Variants in ERI1 observed in about 807,000 individuals in gnomAD.
The protein encoded by ERI1 is exoribonuclease 1, also known as 3'-5' exoribonuclease 1.
In ERI1, 39 loss-of-function variants were observed where a neutral mutation model predicts 39.7. That is an observed-to-expected ratio of 0.98 (90% CI 0.76 to 1.28). ERI1 has a LOEUF of 1.28. Among genes scored for constraint, ERI1 ranks in the 50% most tolerant of loss-of-function variants. The pLI is 0.00. For missense variants in ERI1, 581 were observed against 416.9 expected (o/e 1.39, Z -3.43); for synonymous variants, 204 against 149.6 (o/e 1.36, Z -2.65).
At chr8:9,025,724 G>GTT (rs1475082337) in intron 6 of ERI1, among the ~76,000 whole-genome samples, 2 of 151,718 alleles carry the variant, frequency 1.3e-5, no homozygotes. Flanking sequence ...GTGTGTGTGT[G>GTT]TGGTTAAAAT....
At chr8:9,007,312 C>G (rs1816122015) in intron 1 of ERI1, among the ~76,000 whole-genome samples, 1 of 152,048 alleles carries the variant, frequency 6.6e-6, no homozygotes, top group African/African-American at 2.4e-5. Flanking sequence ...ATTTGCGGTC[C>G]ATTTTGTTTT....
rs116427675 is a variant in ERI1 at position 9,067,057 on chromosome 8, A to G, written n.299+46593A>G. The stretch of plus-strand genomic sequence containing the variant: ...TTTACACTTCTAAGCCTCAGGAAAA[A>G]AGAAATCATTCTCATTGCCCTACCT... On this transcript the variant is annotated intron_variant and non_coding_transcript_variant, in intron 3 of 3. Coordinates refer to the ERI1 transcript ENST00000518663. Among the ~76,000 whole-genome samples, 505 of 152,318 alleles carry G rather than the reference A, an allele frequency of 3.3e-3. 1 individual carries two copies. The highest frequency in any genetic ancestry group is 0.011 in the African/African-American group (477 of 41,558).
At chr8:9,050,507 CAAAA>C (rs35279058) in intron 3 of ERI1, among the ~76,000 whole-genome samples, 86 of 141,720 alleles carry the variant, frequency 6.1e-4, no homozygotes, top group African/African-American at 1.8e-3. Context: ...AACTCCATCT[CAAAA>C]AAAAAAAAAA....
intron 3 of ERI1, among the ~76,000 whole-genome samples, chr8:9,098,494 G>C (rs1487274735): frequency 6.6e-6 from 1 of 152,116 alleles, no homozygotes; most frequent in Admixed American, 6.6e-5. Flanking sequence ...CTCCAGCCTG[G>C]GTGACAGAAT....
In ERI1 at chr8:9,025,260, C is replaced by G. The variant is rs558742912; in HGVS notation, c.808-4532C>G. ...TGAGACTTTCCAATAGCTTTCCTCA[C>G]TTGATATCAAGCCCAAGCAAAAGGT... On this transcript the variant is annotated intron_variant, in intron 6 of 6. Coordinates refer to ENST00000250263, the MANE Select transcript of ERI1 (RefSeq NM_153332.4). Among the ~76,000 whole-genome samples the G allele has an allele frequency of 3.3e-5, 5 of 152,322 alleles. No individual in the cohort carries two copies. In the East Asian group the frequency reaches 9.7e-4, roughly 29 times the overall value.
At chr8:9,004,119 G>T in intron 1 of ERI1, 3 of 1,289,304 alleles carry the variant, frequency 2.3e-6, no homozygotes, top group Non-Finnish European at 3.0e-6. Flanking sequence ...AGAAGGTCTC[G>T]TTAAGGATCT....
intron 3 of ERI1, among the ~76,000 whole-genome samples, chr8:9,053,726 C>T (rs1417437435): frequency 6.6e-6 from 1 of 152,176 alleles, no homozygotes; most frequent in Non-Finnish European, 1.5e-5. Context: ...TGTGATATGA[C>T]AGTAACTCCT....
intron 3 of ERI1, among the ~76,000 whole-genome samples, chr8:9,061,477 A>T (rs1446618307): frequency 1.3e-5 from 2 of 152,194 alleles, no homozygotes; most frequent in Non-Finnish European, 2.9e-5. Context: ...AGTTGACCAT[A>T]GTTTGTGATT....
Position 9,065,203 on chromosome 8 carries a change from T to C in ERI1, n.299+44739T>C, listed in dbSNP as rs150625566. On this transcript the variant is annotated intron_variant and non_coding_transcript_variant, in intron 3 of 3. Coordinates refer to the ERI1 transcript ENST00000518663. ...GGGCTCAGAGGCCTGACACCAACTA[T>C]CTATAGTACAGCTAAGTGCATGTAC... 6.0e-3 allele frequency among the ~76,000 whole-genome samples: 913 copies of C among 152,316 alleles called. 5 individuals are homozygous for C. The highest frequency in any genetic ancestry group is 9.0e-3 in the Non-Finnish European group (615 of 68,026).
chr8:9,075,411 A>G (rs1269428013), intron 3 of ERI1, among the ~76,000 whole-genome samples: 4 of 152,118 alleles, frequency 2.6e-5, no homozygotes, highest in Non-Finnish European at 4.4e-5. Flanking sequence ...GTGTACAATA[A>G]TAAGAACACA....
intron 3 of ERI1, among the ~76,000 whole-genome samples, chr8:9,095,514 G>GTTTT (rs1169175439): frequency 9.9e-5 from 15 of 151,900 alleles, no homozygotes; most frequent in African/African-American, 3.4e-4. Context: ...TTGTTTGTTT[G>GTTTT]TTTGTTTTTG....
At position 9,044,449 on chromosome 8, in the gene ERI1, G is replaced by C. The variant is rs147811531; in HGVS notation, n.299+23985G>C. On this transcript the variant is annotated intron_variant and non_coding_transcript_variant, in intron 3 of 3. Coordinates refer to the ERI1 transcript ENST00000518663. ...ACACATCACTGCGTCAGTTCAGTAGGAGAGTTCACACTGGCCCCCATACAG... is the reference window on the plus strand; with the variant it reads ...ACACATCACTGCGTCAGTTCAGTAGCAGAGTTCACACTGGCCCCCATACAG... Among the ~76,000 whole-genome samples, 128 of 152,250 alleles carry C rather than the reference G, an allele frequency of 8.4e-4. 1 individual carries two copies. Among genetic ancestry groups the C allele is most frequent in the African/African-American group, 2.8e-3 (118 of 41,544 alleles).
chr8:9,016,727 C>G (rs1817331698), intron 4 of ERI1, among the ~76,000 whole-genome samples: 1 of 152,124 alleles, frequency 6.6e-6, no homozygotes, highest in Non-Finnish European at 1.5e-5. Context: ...ACTCTGTCAC[C>G]CAGGCTTGAG....
intron 6 of ERI1, among the ~76,000 whole-genome samples, chr8:9,029,411 C>G (rs1270008567): frequency 6.6e-6 from 1 of 152,140 alleles, no homozygotes; most frequent in Non-Finnish European, 1.5e-5. Flanking sequence ...TCGCTGCAGC[C>G]TCCACCTCCC....
chr8:9,093,519 A>AAG (rs1348214594), intron 3 of ERI1, among the ~76,000 whole-genome samples: 1 of 150,882 alleles, frequency 6.6e-6, no homozygotes, highest in African/African-American at 2.5e-5. Context: ...AAAAAAAAAA[A>AAG]AAAGAAGAAG....
intron 3 of ERI1, among the ~76,000 whole-genome samples, chr8:9,051,467 G>A (rs1186384721): frequency 1.3e-5 from 2 of 152,070 alleles, no homozygotes; most frequent in African/African-American, 4.8e-5. Context: ...GAACAGCCTG[G>A]CCAACATGGT....
intron 3 of ERI1, among the ~76,000 whole-genome samples, chr8:9,046,818 C>T (rs556158093): frequency 6.6e-6 from 1 of 152,206 alleles, no homozygotes; most frequent in African/African-American, 2.4e-5. Flanking sequence ...CTCTCACAAG[C>T]AGGGCCCACA....
In ERI1 at chr8:9,016,479, T is replaced by A. The variant is rs1817300653; in HGVS notation, c.582+74T>A. The A allele has an allele frequency of 7.0e-6, 6 of 857,820 alleles. No individual in the cohort carries two copies. The Admixed American group carries it at 7.7e-5, about 11-fold the overall frequency. The allele number at this position is 857,820 out of a possible 1,614,324, so 53.1% of individuals were successfully genotyped here. A position where few individuals can be genotyped will look rare whatever the true frequency, so the allele number is the denominator to read the frequency against. ...TTAGGGATTTATTTTATACATAATT[T>A]AAAAAAATTATTACTGTTGTGAACA... is the stretch of plus-strand genomic sequence containing the variant. On this transcript the variant is annotated intron_variant, in intron 4 of 6. Transcript: ENST00000250263.
intron 2 of ERI1, chr8:9,008,963 A>G (rs1816361822): frequency 6.6e-6 from 3 of 455,272 alleles, no homozygotes; most frequent in South Asian, 4.7e-5. Flanking sequence ...ATTAATTTCT[A>G]GATTGTCTAC....
Sources: allele counts gnomAD v4.1 joint callset (sites outside exome capture counted in the v4.1 genomes callset), GRCh38; gene constraint gnomAD v4.1.1; transcripts MANE v1.5; gene names NCBI Gene and HGNC (gene_info 2026-07-23, HGNC 2026-07-21).